The following SHANK2 variants were observed in gnomAD, a reference collection of about 807,000 sequenced individuals.
SHANK2 encodes the protein SH3 and multiple ankyrin repeat domains protein 2.
In SHANK2, 43 loss-of-function variants were observed where a neutral mutation model predicts 133.7. That is an observed-to-expected ratio of 0.32 (90% CI 0.25 to 0.41). SHANK2 has a LOEUF of 0.41. SHANK2 is among the 10% of genes least tolerant of loss of function. The pLI, the probability that SHANK2 is intolerant of heterozygous loss-of-function variation, is 1.00. For synonymous variants in SHANK2, 1,017 were observed against 952.8 expected (o/e 1.07, Z -1.24); for missense variants, 1,994 against 2,235.8 (o/e 0.89, Z 2.18).
chr11:71,135,482 G>GTTTTT (rs71949830), intron 3 of SHANK2, among the ~76,000 whole-genome samples: 4 of 115,706 alleles, frequency 3.5e-5, no homozygotes, highest in Non-Finnish European at 7.1e-5. Context: ...GGGGGGATAT[G>GTTTTT]TTTTTTTTTT....
At chr11:71,179,338 TAACA>T (rs1468882092) in intron 2 of SHANK2, among the ~76,000 whole-genome samples, 7 of 152,186 alleles carry the variant, frequency 4.6e-5, no homozygotes, top group African/African-American at 1.7e-4. Context: ...CAAACCATAT[TAACA>T]AACAAAAGCT....
In SHANK2 at chr11:71,103,161, C is replaced by T. The variant is rs181582804; in HGVS notation, c.592+6780G>A. 1.1e-3 allele frequency among the ~76,000 whole-genome samples: 168 copies of T among 152,324 alleles called. 1 individual carries two copies. The highest frequency in any genetic ancestry group is 3.8e-3 in the African/African-American group (158 of 41,566). ...TTAGGGTTCAACAGTATAGAGGATG[C>T]AGACATCAGCCCTAGCGGCCACCCA... is the stretch of plus-strand genomic sequence containing the variant. On this transcript the variant is annotated intron_variant, in intron 6 of 25. Transcript: ENST00000601538.
At chr11:70,484,641 G>C (rs969991625) in intron 25 of SHANK2, among the ~76,000 whole-genome samples, 1 of 152,186 alleles carries the variant, frequency 6.6e-6, no homozygotes, top group South Asian at 2.1e-4. Flanking sequence ...GTCTAGAAAT[G>C]ACTCCTGACT....
intron 2 of SHANK2, among the ~76,000 whole-genome samples, chr11:71,216,421 G>A (rs1038723948): frequency 3.3e-5 from 5 of 152,294 alleles, no homozygotes; most frequent in Middle Eastern, 3.4e-3. Context: ...GGGCAAATCC[G>A]TAGAGATGAA....
chr11:70,907,622 T>TA (rs1565398466), intron 10 of SHANK2: 2 of 198,492 alleles, frequency 1.0e-5, no homozygotes, highest in East Asian at 3.0e-4. Flanking sequence ...ATCCATATAT[T>TA]AAGGAGATGA....
At chr11:70,671,621 C>T (rs1255024510) in intron 15 of SHANK2, among the ~76,000 whole-genome samples, 1 of 152,222 alleles carries the variant, frequency 6.6e-6, no homozygotes, top group Non-Finnish European at 1.5e-5. Context: ...CTACTGAGAT[C>T]AGCAGAGGCC....
intron 10 of SHANK2, among the ~76,000 whole-genome samples, chr11:70,931,801 A>C (rs943701839): frequency 1.4e-4 from 22 of 152,258 alleles, no homozygotes; most frequent in Admixed American, 9.8e-4. Context: ...CCTGCTGCTG[A>C]AGGGCCAATC....
intron 3 of SHANK2, among the ~76,000 whole-genome samples, chr11:71,130,154 T>A (rs1952271324): frequency 6.6e-6 from 1 of 152,162 alleles, no homozygotes; most frequent in Non-Finnish European, 1.5e-5. Context: ...CATTCTGAGG[T>A]CCTGGGCTAT....
chr11:71,236,815 T>C (rs928518439), intron 1 of SHANK2, among the ~76,000 whole-genome samples: 4 of 152,208 alleles, frequency 2.6e-5, no homozygotes, highest in African/African-American at 9.7e-5. Context: ...GACTCTTGTC[T>C]CAAAACAAAC....
At chr11:71,205,051 T>C (rs969930450) in intron 2 of SHANK2, among the ~76,000 whole-genome samples, 1 of 151,918 alleles carries the variant, frequency 6.6e-6, no homozygotes, top group African/African-American at 2.4e-5. Flanking sequence ...CCCAGCAGGG[T>C]GCCCCAGTTA....
intron 1 of SHANK2, among the ~76,000 whole-genome samples, chr11:71,228,529 G>A (rs2919727): frequency 0.085 from 12,993 of 152,186 alleles, 1,493 homozygotes; most frequent in African/African-American, 0.26. Flanking sequence ...AGACCGAGGC[G>A]GTTGCATTAC....
intron 7 of SHANK2, among the ~76,000 whole-genome samples, chr11:71,093,395 G>A (rs968714375): frequency 4.6e-5 from 7 of 152,128 alleles, no homozygotes; most frequent in South Asian, 2.1e-4. Context: ...GTGGCTCTGC[G>A]TCCCCACTCA....
Position 70,806,985 on chromosome 11 carries a change from A to C in SHANK2, c.1663+17T>G, listed in dbSNP as rs1265123029. 4.2e-6 allele frequency: 3 copies of C among 715,292 alleles called. No homozygotes were observed. In the Admixed American group the frequency reaches 6.1e-5, roughly 14 times the overall value. The allele number at this position is 715,292 out of a possible 1,614,324, so 44.3% of individuals were successfully genotyped here. A position where few individuals can be genotyped will look rare whatever the true frequency, so the allele number is the denominator to read the frequency against. ...TGACCTCACTCCAGGAGCGGAGGACAACCAGCAGACACTGACCTTTGACCC... is the reference window on the plus strand; with the variant it reads ...TGACCTCACTCCAGGAGCGGAGGACCACCAGCAGACACTGACCTTTGACCC... On this transcript the variant is annotated intron_variant, in intron 13 of 25. Transcript: ENST00000601538.
intron 4 of SHANK2, among the ~76,000 whole-genome samples, chr11:71,116,373 C>T (rs913721760): frequency 4.0e-4 from 61 of 152,344 alleles, no homozygotes; most frequent in African/African-American, 1.4e-3. Context: ...TAACCCAACA[C>T]GTATACACTG....
At position 70,500,463 on chromosome 11, in the gene SHANK2, A is replaced by G. The variant is rs1308954120; in HGVS notation, c.2308+107T>C. The G allele has an allele frequency of 5.4e-6, 8 of 1,485,632 alleles. No individual in the cohort carries two copies. The highest frequency in any genetic ancestry group is 4.2e-5 in the African/African-American group (3 of 71,816). The allele number at this position is 1,485,632 out of a possible 1,614,324, so 92.0% of individuals were successfully genotyped here. On this transcript the variant is annotated intron_variant, in intron 21 of 25. Coordinates refer to ENST00000601538, the MANE Select transcript of SHANK2 (RefSeq NM_012309.5). The surrounding 1 kb of genome is among the most constrained non-coding windows in gnomAD (Gnocchi z 4.5). Reference sequence around the variant, plus strand: ...GGGCAGGACCCAGCAGGAGAAGCCAACAAGGCTTTGCGACACATTTGAGAC... The same window carrying G: ...GGGCAGGACCCAGCAGGAGAAGCCAGCAAGGCTTTGCGACACATTTGAGAC...
At chr11:70,742,401 A>G (rs1433574659) in intron 14 of SHANK2, among the ~76,000 whole-genome samples, 1 of 152,170 alleles carries the variant, frequency 6.6e-6, no homozygotes, top group African/African-American at 2.4e-5. Flanking sequence ...CACTGCACAA[A>G]GTAGAAGTTT....
chr11:71,062,683 T>C (rs1951001387), intron 9 of SHANK2, among the ~76,000 whole-genome samples: 2 of 152,130 alleles, frequency 1.3e-5, no homozygotes, highest in East Asian at 1.9e-4. Flanking sequence ...TATTTCTCAG[T>C]AAGAACTTTT....
Position 70,569,939 on chromosome 11 carries a change from TAGAGAG to T in SHANK2, c.2062-67014_2062-67009del, listed in dbSNP as rs34853868. Among the ~76,000 whole-genome samples the T allele has an allele frequency of 1.4e-5, 2 of 147,596 alleles. No homozygotes were observed. Among genetic ancestry groups the T allele is most frequent in the Non-Finnish European group, 3.0e-5 (2 of 66,856 alleles). On this transcript the variant is annotated intron_variant, in intron 17 of 25. Coordinates refer to ENST00000601538, the MANE Select transcript of SHANK2 (RefSeq NM_012309.5). The surrounding 1 kb of genome is among the most constrained non-coding windows in gnomAD (Gnocchi z 5.1). ...TCACCGAGACAGAGACACAGAGACA[TAGAGAG>T]AGAGAGAGAAGGGAGTGAGAGACAG...
chr11:71,107,977 C>T (rs562728183), intron 6 of SHANK2, among the ~76,000 whole-genome samples: 152 of 152,306 alleles, frequency 1.0e-3, no homozygotes, highest in African/African-American at 3.6e-3. Context: ...CAGTCCCCCG[C>T]AGCAGCATCA....
Sources: allele counts gnomAD v4.1 joint callset (sites outside exome capture counted in the v4.1 genomes callset), GRCh38; gene constraint gnomAD v4.1.1; non-coding constraint Gnocchi (gnomAD v3.1); transcripts MANE v1.5; gene names NCBI Gene and HGNC (gene_info 2026-07-23, HGNC 2026-07-21).